The following CSGALNACT1 variants were observed in gnomAD, a reference collection of about 807,000 sequenced individuals.
CSGALNACT1 encodes beta4GalNAcT-1.
A neutral mutation model predicts 51.0 loss-of-function variants in CSGALNACT1; 52 were observed. That is an observed-to-expected ratio of 1.02 (90% CI 0.82 to 1.29). The LOEUF (loss-of-function observed/expected upper bound fraction) is 1.29, where lower values mean the gene tolerates loss of function less well. Among genes scored for constraint, CSGALNACT1 ranks in the 50% most tolerant of loss-of-function variants. The pLI, the probability that CSGALNACT1 is intolerant of heterozygous loss-of-function variation, is 0.00. For synonymous variants in CSGALNACT1, 341 were observed against 254.4 expected (o/e 1.34, Z -3.24); for missense variants, 935 against 679.2 (o/e 1.38, Z -4.19).
chr8:19,718,897 T>A (rs1188357889), intron 1 of CSGALNACT1, among the ~76,000 whole-genome samples: 1 of 152,294 alleles, frequency 6.6e-6, no homozygotes, highest in Non-Finnish European at 1.5e-5. Context: ...AAATTCCCCA[T>A]CATGCTAAGA....
At chr8:19,474,869 G>GAAAAAAAAAAAAAA (rs10683237) in intron 4 of CSGALNACT1, among the ~76,000 whole-genome samples, 1,009 of 82,678 alleles carry the variant, frequency 0.012, 1 homozygote, top group Non-Finnish European at 0.015. Flanking sequence ...CTCTGTCTCA[G>GAAAAAAAAAAAAAA]AAAAAAAAAA....
At chr8:19,546,899 C>T (rs1588140640) in intron 3 of CSGALNACT1, among the ~76,000 whole-genome samples, 2 of 152,176 alleles carry the variant, frequency 1.3e-5, no homozygotes, top group Non-Finnish European at 2.9e-5. Context: ...CAGAATGATC[C>T]TATGGCTTCA....
chr8:19,470,732 C>G (rs1003948816), intron 4 of CSGALNACT1, among the ~76,000 whole-genome samples: 9 of 152,116 alleles, frequency 5.9e-5, no homozygotes, highest in East Asian at 3.8e-4. Context: ...ATGATCCACA[C>G]CCGTTAACAT....
intron 6 of CSGALNACT1, among the ~76,000 whole-genome samples, chr8:19,425,671 C>A (rs181992347): frequency 6.6e-6 from 1 of 152,280 alleles, no homozygotes; most frequent in Non-Finnish European, 1.5e-5. Context: ...GTTGCAGATG[C>A]TCCTGTGGTT....
chr8:19,661,075 G>T (rs2058709420), intron 1 of CSGALNACT1, among the ~76,000 whole-genome samples: 1 of 145,844 alleles, frequency 6.9e-6, no homozygotes, highest in Admixed American at 6.7e-5. Flanking sequence ...ACCACACCTG[G>T]CTAATTTTTT....
At chr8:19,430,904 A>G (rs1469890480) in intron 6 of CSGALNACT1, among the ~76,000 whole-genome samples, 1 of 152,080 alleles carries the variant, frequency 6.6e-6, no homozygotes, top group African/African-American at 2.4e-5. Flanking sequence ...GCACTTTTTT[A>G]TTACATTCAT....
At chr8:19,472,198 T>G (rs1327088149) in intron 4 of CSGALNACT1, among the ~76,000 whole-genome samples, 1 of 152,216 alleles carries the variant, frequency 6.6e-6, no homozygotes, top group African/African-American at 2.4e-5. Flanking sequence ...AAGTCACAGC[T>G]GCCATTATTA....
intron 1 of CSGALNACT1, among the ~76,000 whole-genome samples, chr8:19,673,595 C>A (rs1281451621): frequency 1.3e-5 from 2 of 152,146 alleles, no homozygotes; most frequent in Non-Finnish European, 2.9e-5. Flanking sequence ...CCATCGCTAT[C>A]CTGAGAAATG....
chr8:19,464,671 C>T (rs1563546375), intron 4 of CSGALNACT1, among the ~76,000 whole-genome samples: 2 of 152,146 alleles, frequency 1.3e-5, no homozygotes, highest in African/African-American at 2.4e-5. Flanking sequence ...TCTTAACACC[C>T]TACTGTGAAC....
chr8:19,649,818 G>GTAAAAAAAAA (rs1564347327), intron 1 of CSGALNACT1, among the ~76,000 whole-genome samples: 1 of 1,554 alleles, frequency 6.4e-4, no homozygotes, highest in Non-Finnish European at 1.2e-3. Context: ...ATTCCAAGTA[G>GTAAAAAAAAA]CAAAAAAAAA....
intron 4 of CSGALNACT1, among the ~76,000 whole-genome samples, chr8:19,483,348 G>A (rs1373725018): frequency 6.6e-6 from 1 of 152,200 alleles, no homozygotes; most frequent in Non-Finnish European, 1.5e-5. Flanking sequence ...ACTTCATTAT[G>A]TCTGGTTCTC....
At chr8:19,485,057 C>G (rs2072520130) in intron 4 of CSGALNACT1, among the ~76,000 whole-genome samples, 1 of 152,206 alleles carries the variant, frequency 6.6e-6, no homozygotes, top group Non-Finnish European at 1.5e-5. Flanking sequence ...TTGTCTCAGG[C>G]TTTCAGATTG....
At chr8:19,429,058 G>T (rs1373443478) in intron 6 of CSGALNACT1, among the ~76,000 whole-genome samples, 1 of 152,060 alleles carries the variant, frequency 6.6e-6, no homozygotes, top group Admixed American at 6.6e-5. Context: ...GAAACAGTCA[G>T]TTCTAATCCC....
intron 5 of CSGALNACT1, among the ~76,000 whole-genome samples, chr8:19,457,224 TCAAA>T (rs962047587): frequency 4.6e-5 from 7 of 152,226 alleles, no homozygotes; most frequent in Non-Finnish European, 8.8e-5. Context: ...TCCTTTAAAT[TCAAA>T]CAGAGTACGC....
At chr8:19,530,276 G>C (rs1206586957) in intron 3 of CSGALNACT1, among the ~76,000 whole-genome samples, 1 of 151,372 alleles carries the variant, frequency 6.6e-6, no homozygotes, top group African/African-American at 2.4e-5. Context: ...TCCATGGTTG[G>C]TTGAATCCAT....
At chr8:19,750,844 G>A (rs752413671) in intron 1 of CSGALNACT1, among the ~76,000 whole-genome samples, 3 of 152,060 alleles carry the variant, frequency 2.0e-5, no homozygotes, top group Non-Finnish European at 2.9e-5. Context: ...TTAATATTCT[G>A]CAACCCACAC....
intron 6 of CSGALNACT1, among the ~76,000 whole-genome samples, chr8:19,431,711 A>G (rs1393231914): frequency 1.3e-5 from 2 of 151,964 alleles, no homozygotes; most frequent in East Asian, 1.9e-4. Flanking sequence ...TCCTCTTCCA[A>G]TTTTTTTGGA....
chr8:19,677,389 G>C (rs779227364), intron 1 of CSGALNACT1, among the ~76,000 whole-genome samples: 12 of 152,194 alleles, frequency 7.9e-5, no homozygotes, highest in Non-Finnish European at 1.5e-4. Flanking sequence ...GGGATTACAG[G>C]TGTGAGCCAC....
upstream of CSGALNACT1, among the ~76,000 whole-genome samples, chr8:19,687,252 A>C (rs908098176): frequency 6.6e-6 from 1 of 152,084 alleles, no homozygotes; most frequent in Non-Finnish European, 1.5e-5. Flanking sequence ...CAAATTCCTC[A>C]GCAAGACATT....
Sources: gnomAD v4.1 joint callset for allele counts (sites outside exome capture counted in the v4.1 genomes callset) on GRCh38, gnomAD v4.1.1 for gene constraint, MANE v1.5 for transcripts, NCBI Gene and HGNC (gene_info 2026-07-23, HGNC 2026-07-21) for gene names.